The following SGCZ variants were observed in gnomAD, a reference collection of about 807,000 sequenced individuals.
SGCZ encodes sarcoglycan zeta.
Under a neutral mutation model 41.3 loss-of-function variants are expected in SGCZ, and 40 were observed. The observed-to-expected ratio is 0.97, with a 90% CI of 0.75 to 1.26. The LOEUF (loss-of-function observed/expected upper bound fraction) is 1.26, where lower values mean the gene tolerates loss of function less well. SGCZ is among the 50% of genes most tolerant of loss of function. The pLI, the probability that SGCZ is intolerant of heterozygous loss-of-function variation, is 0.00. For missense variants in SGCZ, 552 were observed against 369.8 expected (o/e 1.49, Z -4.04); for synonymous variants, 206 against 137.5 (o/e 1.50, Z -3.49).
rs142676982 is a variant in SGCZ, at chr8:15,235,968, C to CA, written c.39+1616dup. The stretch of plus-strand genomic sequence containing the variant: ...TAGGGAATCTTTGCAAACATAAAGG[C>CA]AATGTGTCCTATCGGAGTAGAGCAG... On this transcript the variant is annotated intron_variant, in intron 1 of 7. Coordinates refer to ENST00000382080, the MANE Select transcript of SGCZ (RefSeq NM_139167.4). Among the ~76,000 whole-genome samples, 1,233 of 152,294 alleles carry CA rather than the reference C, an allele frequency of 8.1e-3. 6 individuals carry two copies. The highest frequency in any genetic ancestry group is 0.017 in the South Asian group (81 of 4,830).
At chr8:15,200,671 G>T (rs899600062) in intron 1 of SGCZ, among the ~76,000 whole-genome samples, 14 of 152,166 alleles carry the variant, frequency 9.2e-5, no homozygotes, top group Admixed American at 1.3e-4. Context: ...GCCAGCCTGG[G>T]TGGTCAAGAT....
chr8:14,889,923 G>A (rs1804948515), intron 1 of SGCZ, among the ~76,000 whole-genome samples: 1 of 152,060 alleles, frequency 6.6e-6, no homozygotes, highest in South Asian at 2.1e-4. Context: ...AAATGATTAA[G>A]CCTTATGAGG....
chr8:14,601,897 G>C, intron 1 of SGCZ, among the ~76,000 whole-genome samples: 1 of 152,106 alleles, frequency 6.6e-6, no homozygotes, highest in Non-Finnish European at 1.5e-5. Context: ...GAGGCGGGCG[G>C]ATCACGAGGT....
chr8:15,185,880 TC>T (rs1229071415), intron 1 of SGCZ, among the ~76,000 whole-genome samples: 1 of 152,042 alleles, frequency 6.6e-6, no homozygotes, highest in Admixed American at 6.6e-5. Context: ...TTTTAGCTTT[TC>T]TTTATGTTAA....
At chr8:14,412,364 TATTATA>T (rs1474894666) in intron 2 of SGCZ, among the ~76,000 whole-genome samples, 2 of 152,128 alleles carry the variant, frequency 1.3e-5, no homozygotes, top group Non-Finnish European at 2.9e-5. Flanking sequence ...CTACAGCAAC[TATTATA>T]ATTATGTGTT....
chr8:15,138,196 T>C (rs909809627), intron 1 of SGCZ, among the ~76,000 whole-genome samples: 5 of 152,216 alleles, frequency 3.3e-5, no homozygotes, highest in Non-Finnish European at 7.3e-5. Flanking sequence ...GGCTAATTTC[T>C]ACCATTTGGA....
At chr8:14,283,616 A>G (rs1404148887) in intron 3 of SGCZ, among the ~76,000 whole-genome samples, 1 of 152,230 alleles carries the variant, frequency 6.6e-6, no homozygotes, top group Non-Finnish European at 1.5e-5. Flanking sequence ...AGACAACAAT[A>G]TTCTCTTACA....
chr8:14,396,885 G>C (rs1454994245), intron 2 of SGCZ, among the ~76,000 whole-genome samples: 1 of 151,938 alleles, frequency 6.6e-6, no homozygotes, highest in Non-Finnish European at 1.5e-5. Flanking sequence ...AAAAGACAGA[G>C]GACCAGATTG....
At chr8:14,364,819 C>T (rs895292860) in intron 2 of SGCZ, among the ~76,000 whole-genome samples, 2 of 152,012 alleles carry the variant, frequency 1.3e-5, no homozygotes, top group Admixed American at 1.3e-4. Flanking sequence ...ATAATCTTTG[C>T]CCATGGTGTT....
intron 2 of SGCZ, among the ~76,000 whole-genome samples, chr8:14,527,384 C>T (rs1802985180): frequency 6.6e-6 from 1 of 152,138 alleles, no homozygotes; most frequent in Non-Finnish European, 1.5e-5. Context: ...TCACTGCAAC[C>T]TCAAACTCCT....
chr8:14,894,651 T>A (rs1805128957), intron 1 of SGCZ, among the ~76,000 whole-genome samples: 1 of 152,138 alleles, frequency 6.6e-6, no homozygotes, highest in Non-Finnish European at 1.5e-5. Context: ...TCTTTTAAAT[T>A]TTCAGATGAA....
At chr8:14,990,034 C>T (rs985197518) in intron 1 of SGCZ, among the ~76,000 whole-genome samples, 4 of 152,122 alleles carry the variant, frequency 2.6e-5, no homozygotes, top group Non-Finnish European at 5.9e-5. Context: ...TAAGCACTTT[C>T]CTTTGTTATT....
intron 1 of SGCZ, among the ~76,000 whole-genome samples, chr8:14,965,555 C>A (rs1057258986): frequency 6.6e-6 from 1 of 152,078 alleles, no homozygotes. Flanking sequence ...CCTTATGCAC[C>A]TAGCAAATAC....
intron 1 of SGCZ, among the ~76,000 whole-genome samples, chr8:14,561,141 T>C (rs879359542): frequency 2.0e-5 from 3 of 152,152 alleles, no homozygotes; most frequent in East Asian, 3.9e-4. Context: ...TAAAAACATA[T>C]AATTCTAAGT....
intron 2 of SGCZ, among the ~76,000 whole-genome samples, chr8:14,482,228 G>T (rs995032778): frequency 6.6e-6 from 1 of 152,180 alleles, no homozygotes; most frequent in African/African-American, 2.4e-5. Context: ...ACCACCTTGA[G>T]CTGTGTTCAT....
At chr8:14,770,218 C>T (rs1392727164) in intron 1 of SGCZ, among the ~76,000 whole-genome samples, 5 of 151,226 alleles carry the variant, frequency 3.3e-5, no homozygotes, top group African/African-American at 1.2e-4. Flanking sequence ...AAATACATCA[C>T]GATGCTAATC....
At chr8:14,522,516 C>T (rs1024408501) in intron 2 of SGCZ, among the ~76,000 whole-genome samples, 3 of 151,576 alleles carry the variant, frequency 2.0e-5, no homozygotes, top group Non-Finnish European at 4.4e-5. Flanking sequence ...TGGAAAGTTG[C>T]TTCTATTATT....
At chr8:14,746,885 C>T (rs1391400645) in intron 1 of SGCZ, among the ~76,000 whole-genome samples, 1 of 152,096 alleles carries the variant, frequency 6.6e-6, no homozygotes, top group Non-Finnish European at 1.5e-5. Context: ...ACTGTATGTC[C>T]TACTTTATTG....
chr8:14,195,448 G>A (rs1179588920), intron 4 of SGCZ, among the ~76,000 whole-genome samples: 1 of 152,128 alleles, frequency 6.6e-6, no homozygotes, highest in Non-Finnish European at 1.5e-5. Flanking sequence ...AGAATTTGGA[G>A]TCTCTGAGGA....
Sources: allele counts gnomAD v4.1 joint callset (sites outside exome capture counted in the v4.1 genomes callset), GRCh38; gene constraint gnomAD v4.1.1; transcripts MANE v1.5; gene names NCBI Gene and HGNC (gene_info 2026-07-23, HGNC 2026-07-21).